Variants in COA1 observed in about 807,000 individuals in gnomAD.
COA1 encodes cytochrome c oxidase assembly factor 1 homolog.
COA1 carries 13 observed loss-of-function variants against 16.0 expected under a neutral mutation model. The ratio of observed to expected loss-of-function variants is 0.81; its 90% CI spans 0.53 to 1.29. The LOEUF (loss-of-function observed/expected upper bound fraction) is 1.29, where lower values mean the gene tolerates loss of function less well. COA1 is among the 50% of genes most tolerant of loss of function. The pLI, the probability that COA1 is intolerant of heterozygous loss-of-function variation, is 0.00. For synonymous variants in COA1, 65 were observed against 65.7 expected, an observed-to-expected ratio of 0.99 and a Z score of 0.05; for missense variants, 179 against 177.0, an observed-to-expected ratio of 1.01 and a Z score of -0.06.
chr7:43,706,568 T>TA (rs1554555035), intron 1 of COA1, among the ~76,000 whole-genome samples: 17 of 144,090 alleles, frequency 1.2e-4, no homozygotes, highest in South Asian at 6.6e-4. Context: ...AATAAAAAAA[T>TA]AAAAAAATAA....
intron 1 of COA1, among the ~76,000 whole-genome samples, chr7:43,696,940 T>C (rs974125493): frequency 6.6e-6 from 1 of 151,884 alleles, no homozygotes; most frequent in Admixed American, 6.6e-5. Flanking sequence ...CTGGCCAAAA[T>C]GGTGAAACCC....
intron 1 of COA1, among the ~76,000 whole-genome samples, chr7:43,674,813 T>C (rs2129787025): frequency 6.6e-6 from 1 of 152,288 alleles, no homozygotes; most frequent in South Asian, 2.1e-4. Flanking sequence ...TTCCTATAAC[T>C]ACTCTTATTC....
At chr7:43,654,105 G>A (rs1563267407) in intron 1 of COA1, among the ~76,000 whole-genome samples, 1 of 152,180 alleles carries the variant, frequency 6.6e-6, no homozygotes, top group Non-Finnish European at 1.5e-5. Context: ...CCCTGGCAGA[G>A]ATGGCCAGAA....
Position 43,640,608 on chromosome 7 carries a change from G to C in COA1, c.306C>G (p.Leu102=), listed in dbSNP as rs772497956. The C allele has an allele frequency of 1.3e-5, 21 of 1,608,774 alleles. No homozygotes were observed. In the African/African-American group the frequency reaches 2.5e-4, roughly 20 times the overall value. ...GGCCACCTCTGGATGAGTGGACGTA[G>C]AGAAGGCCCTCTGATTTGGATCCAG... ...PVSGSKSEGL[L]YVHSSRGGPF... The change falls in exon 5 of 6, where the codon CTC becomes CTG. Residue 102 remains leucine, a synonymous_variant. Coordinates refer to ENST00000223336, the MANE Select transcript of COA1 (RefSeq NM_018224.4).
At chr7:43,627,987 T>G (rs545275408) in intron 6 of COA1, among the ~76,000 whole-genome samples, 8 of 152,202 alleles carry the variant, frequency 5.3e-5, no homozygotes, top group African/African-American at 1.7e-4. Flanking sequence ...CTTGTTTTGT[T>G]TTGTGTTGTG....
chr7:43,638,944 T>TCTAAG (rs2086407611), downstream of COA1: 1 of 152,326 alleles, frequency 6.6e-6, no homozygotes, highest in Admixed American at 6.5e-5. Context: ...ATATAAATTT[T>TCTAAG]CTAAGCTTTC....
intron 1 of COA1, among the ~76,000 whole-genome samples, chr7:43,695,928 A>G (rs1364807533): frequency 2.0e-5 from 3 of 152,246 alleles, no homozygotes; most frequent in African/African-American, 7.2e-5. Flanking sequence ...AGAATATTGT[A>G]TTAGTCCATT....
At chr7:43,690,442 C>CAT (rs985722725) in intron 1 of COA1, among the ~76,000 whole-genome samples, 2 of 151,596 alleles carry the variant, frequency 1.3e-5, no homozygotes, top group South Asian at 2.1e-4. Context: ...CACACACACA[C>CAT]ATATATACAC....
At chr7:43,721,705 A>G (rs896896994) in intron 1 of COA1, among the ~76,000 whole-genome samples, 2 of 152,146 alleles carry the variant, frequency 1.3e-5, no homozygotes, top group Non-Finnish European at 2.9e-5. Context: ...CTGCATCCTG[A>G]CTATGGTGTT....
At chr7:43,681,696 T>C (rs1393039840) in intron 1 of COA1, among the ~76,000 whole-genome samples, 1 of 152,220 alleles carries the variant, frequency 6.6e-6, no homozygotes, top group Non-Finnish European at 1.5e-5. Context: ...ACACAGTCCA[T>C]GGCTGAATTT....
At chr7:43,688,121 T>A (rs961453637) in intron 1 of COA1, among the ~76,000 whole-genome samples, 5 of 152,226 alleles carry the variant, frequency 3.3e-5, no homozygotes, top group African/African-American at 1.2e-4. Context: ...CATGTGGAAC[T>A]GTAAGTCCAA....
intron 5 of COA1, 46 bp from the exon 6 acceptor site, chr7:43,639,727 G>A (rs1462967708): frequency 6.9e-7 from 1 of 1,457,054 alleles, no homozygotes; most frequent in Non-Finnish European, 9.6e-7. Flanking sequence ...TGAAGGCTGA[G>A]GCAACAGCCG....
intron 1 of COA1, among the ~76,000 whole-genome samples, chr7:43,681,735 T>C (rs1325523249): frequency 1.3e-5 from 2 of 152,184 alleles, no homozygotes; most frequent in Admixed American, 6.5e-5. Context: ...TACAACCAAG[T>C]TGGGCTGATT....
intron 1 of COA1, among the ~76,000 whole-genome samples, chr7:43,716,780 G>C (rs895416638): frequency 1.3e-5 from 2 of 152,156 alleles, no homozygotes; most frequent in African/African-American, 4.8e-5. Context: ...AGAGGCCCAG[G>C]AGGAAAAAGT....
chr7:43,645,397 A>G lies in COA1; in HGVS notation c.118T>C (p.Phe40Leu). 1.2e-6 allele frequency: 2 copies of G among 1,613,896 alleles called. No individual in the cohort carries two copies. The highest frequency in any genetic ancestry group is 1.7e-6 in the Non-Finnish European group (2 of 1,179,844). ...FAIVYYLIQK[F>L]HSRALYYKLA... The stretch of plus-strand genomic sequence containing the variant: ...TTGTAATATAAAGCCCTGGAATGAA[A>G]CTCTAAGGACGAAAGACACACTTAT... The change falls in exon 4 of 6, where the codon TTT becomes CTT. Residue 40 changes from phenylalanine to leucine, a missense_variant and splice_region_variant. Phe to Leu is a conservative substitution (Grantham distance 22). Coordinates refer to ENST00000223336, the MANE Select transcript of COA1 (RefSeq NM_018224.4).
chr7:43,634,070 TC>T (rs2085473214), intron 6 of COA1, among the ~76,000 whole-genome samples: 2 of 152,340 alleles, frequency 1.3e-5, no homozygotes, highest in East Asian at 3.9e-4. Flanking sequence ...TTCTAAGACT[TC>T]CTATTTTTTT....
At chr7:43,630,290 T>C (rs1043553262) in intron 6 of COA1, among the ~76,000 whole-genome samples, 6 of 152,210 alleles carry the variant, frequency 3.9e-5, no homozygotes, top group African/African-American at 4.8e-5. Flanking sequence ...GATAATCTTA[T>C]GACATTTTCT....
intron 1 of COA1, among the ~76,000 whole-genome samples, chr7:43,660,926 T>C (rs552688294): frequency 1.3e-5 from 2 of 152,294 alleles, no homozygotes; most frequent in South Asian, 4.1e-4. Flanking sequence ...CATTACACGG[T>C]CTTACTGCCC....
At chr7:43,643,080 A>G (rs897860055) in intron 4 of COA1, among the ~76,000 whole-genome samples, 1 of 152,204 alleles carries the variant, frequency 6.6e-6, no homozygotes, top group African/African-American at 2.4e-5. Flanking sequence ...CCGCAGTAGA[A>G]GCCAGAACCT....
Sources: gnomAD v4.1 joint callset for allele counts (sites outside exome capture counted in the v4.1 genomes callset) on GRCh38, gnomAD v4.1.1 for gene constraint, MANE v1.5 for transcripts, NCBI Gene and HGNC (gene_info 2026-07-23, HGNC 2026-07-21) for gene names.